THBS4: variants seen among roughly 807,000 people sequenced by gnomAD.
The protein encoded by THBS4 is thrombospondin-4.
A neutral mutation model predicts 115.7 loss-of-function variants in THBS4; 90 were observed. The observed-to-expected ratio is 0.78, with a 90% confidence interval of 0.66 to 0.93. THBS4 has a LOEUF of 0.93. Ranked by LOEUF, THBS4 falls within the 40% of genes least tolerant of loss-of-function variation. The pLI is 0.00. For synonymous variants in THBS4, 460 were observed against 479.3 expected, an observed-to-expected ratio of 0.96 and a Z score of 0.53; for missense variants, 1,087 against 1,232.7, an observed-to-expected ratio of 0.88 and a Z score of 1.77.
intron 2 of THBS4, among the ~76,000 whole-genome samples, chr5:80,004,570 T>C (rs1831978642): frequency 6.6e-6 from 1 of 152,170 alleles, no homozygotes; most frequent in African/African-American, 2.4e-5. Context: ...AGATAAAAGG[T>C]TAGTGAAGTG....
chr5:80,083,173 A>G lies in THBS4; in HGVS notation c.*32A>G, dbSNP rs1743617835. ...GAAGCAATCTGTAACTGCTTTTCGG[A>G]ACACTAAAACCATATATATTTTAAC... On this transcript the variant is annotated 3_prime_UTR_variant, in exon 22 of 22. Transcript: ENST00000350881. The G allele has an allele frequency of 6.4e-7, 1 of 1,566,542 alleles. No homozygotes were observed. The highest frequency in any genetic ancestry group is 8.8e-7 in the Non-Finnish European group (1 of 1,136,754).
Position 80,073,270 on chromosome 5 carries a change from T to C in THBS4, c.1840-5T>C. On this transcript the variant is annotated splice_region_variant and splice_polypyrimidine_tract_variant and intron_variant, in intron 14 of 21. Transcript: ENST00000350881. ...AATAAATAACATGTGCTGTTCTCTT[T>C]GCAGTCTGATGTGGATAATGATCTG... 6.2e-7 allele frequency: 1 copy of C among 1,614,022 alleles called. No homozygotes were observed. The highest frequency in any genetic ancestry group is 8.5e-7 in the Non-Finnish European group (1 of 1,179,940).
chr5:80,064,574 C>A (rs1160497143), intron 8 of THBS4, among the ~76,000 whole-genome samples: 1 of 152,074 alleles, frequency 6.6e-6, no homozygotes, highest in African/African-American at 2.4e-5. Flanking sequence ...AAAATACACA[C>A]AAAAAAATTA....
At chr5:80,082,382 C>A (rs750134134) in intron 20 of THBS4, 24 bp from the exon 21 acceptor site, 1 of 1,611,216 alleles carries the variant, frequency 6.2e-7, no homozygotes, top group South Asian at 1.1e-5. Context: ...TTCATGGAGG[C>A]CCCTCCGGCC....
chr5:80,031,048 T>C (rs1042697384), upstream of THBS4, among the ~76,000 whole-genome samples: 1 of 152,148 alleles, frequency 6.6e-6, no homozygotes, highest in African/African-American at 2.4e-5. Flanking sequence ...ACTCTCAAAA[T>C]TGGGTTTGGA....
At chr5:80,071,310 C>A in intron 13 of THBS4, 130 bp downstream of exon 13, 1 of 1,445,230 alleles carries the variant, frequency 6.9e-7, no homozygotes, top group African/African-American at 1.4e-5. Flanking sequence ...TGGCCTGCAT[C>A]TGGAAGACCC....
chr5:80,079,096 G>C lies in THBS4; in HGVS notation c.2349G>C (p.Gly783=), dbSNP rs1230937726. ...YTAFNGVDFE[G]TFHVNTQTDD... ...CTTTTAATGGAGTTGACTTCGAAGG[G>C]ACCTTCCATGTGAATACCCAGACAG... The change falls in exon 19 of 22, where the codon GGG becomes GGC. Residue 783 remains glycine (G), a synonymous_variant. Coordinates refer to ENST00000350881, the MANE Select transcript of THBS4 (RefSeq NM_003248.6). 3 of 1,613,774 alleles carry C rather than the reference G, an allele frequency of 1.9e-6. No homozygotes were observed. In the African/African-American group the frequency reaches 4.0e-5, roughly 22 times the overall value.
At chr5:80,004,250 G>T (rs1831969643) in intron 2 of THBS4, among the ~76,000 whole-genome samples, 1 of 152,186 alleles carries the variant, frequency 6.6e-6, no homozygotes, top group South Asian at 2.1e-4. Context: ...GAAAATTTTA[G>T]ATTATCCATG....
At chr5:80,058,443 C>A in intron 4 of THBS4, 129 bp downstream of exon 4, 1 of 699,850 alleles carries the variant, frequency 1.4e-6, no homozygotes, top group South Asian at 1.9e-5. Flanking sequence ...CTATGAAAAT[C>A]AGTCTCTTGA....
chr5:80,073,540 T>G (rs1168830694), intron 15 of THBS4, among the ~76,000 whole-genome samples: 2 of 152,114 alleles, frequency 1.3e-5, no homozygotes, highest in East Asian at 1.9e-4. Context: ...CCCGCTACCA[T>G]GCCTGGCTAA....
intron 2 of THBS4, among the ~76,000 whole-genome samples, chr5:80,049,019 G>C (rs1833166059): frequency 6.6e-6 from 1 of 152,032 alleles, no homozygotes; most frequent in Admixed American, 6.6e-5. Flanking sequence ...AAGAGCTCCA[G>C]ACTACCTTTG....
At chr5:80,069,384 C>A (rs991864688) in intron 10 of THBS4, among the ~76,000 whole-genome samples, 1 of 152,162 alleles carries the variant, frequency 6.6e-6, no homozygotes, top group African/African-American at 2.4e-5. Context: ...GGGGGAATAA[C>A]CCCAGCAATT....
chr5:80,020,679 C>T (rs1375136775), intron 2 of THBS4, among the ~76,000 whole-genome samples: 3 of 152,066 alleles, frequency 2.0e-5, no homozygotes, highest in Non-Finnish European at 1.5e-5. Flanking sequence ...GAGGAAAGAA[C>T]GTGGGATTCA....
chr5:79,995,792 G>GAA (rs34688980), intron 1 of THBS4, among the ~76,000 whole-genome samples: 66 of 151,076 alleles, frequency 4.4e-4, no homozygotes, highest in East Asian at 2.7e-3. Context: ...TATTACATTA[G>GAA]AAAAAAAATA....
At chr5:80,026,754 A>G (rs1174597738) in intron 2 of THBS4, among the ~76,000 whole-genome samples, 1 of 152,246 alleles carries the variant, frequency 6.6e-6, no homozygotes, top group East Asian at 1.9e-4. Context: ...GATTCAGCCT[A>G]TAGGCTATAG....
rs547893187 is a variant in THBS4, at chr5:80,041,003, G to A, written c.292+723G>A. ...CACAAGAGCTGAAACTCACTGTCTC[G>A]AGAACAGCACCAAGCCATTCATGAG... On this transcript the variant is annotated intron_variant, in intron 2 of 21. Transcript: ENST00000350881. 5.1e-4 allele frequency among the ~76,000 whole-genome samples: 78 copies of A among 152,250 alleles called. No homozygotes were observed. In the East Asian group the frequency reaches 7.1e-3, roughly 14 times the overall value.
chr5:80,054,031 G>A (rs1360401365), intron 2 of THBS4, among the ~76,000 whole-genome samples: 1 of 152,126 alleles, frequency 6.6e-6, no homozygotes, highest in Non-Finnish European at 1.5e-5. Flanking sequence ...CAGAAGATAT[G>A]TGGGCTTAAG....
intron 3 of THBS4, among the ~76,000 whole-genome samples, chr5:80,057,233 A>T (rs1204402738): frequency 6.6e-6 from 1 of 152,228 alleles, no homozygotes; most frequent in Admixed American, 6.5e-5. Context: ...TCACCACCAA[A>T]TAAGTCAATT....
At chr5:80,010,142 A>G (rs1832095588) in intron 2 of THBS4, among the ~76,000 whole-genome samples, 1 of 152,216 alleles carries the variant, frequency 6.6e-6, no homozygotes, top group Non-Finnish European at 1.5e-5. Flanking sequence ...ATTCTTGGAT[A>G]AACATAATAC....
Sources: allele counts gnomAD v4.1 joint callset (sites outside exome capture counted in the v4.1 genomes callset), GRCh38; gene constraint gnomAD v4.1.1; transcripts MANE v1.5; gene names NCBI Gene and HGNC (gene_info 2026-07-23, HGNC 2026-07-21).